DTNB: variants seen among roughly 807,000 people sequenced by gnomAD.
DTNB encodes the protein dystrobrevin beta.
In DTNB, 63 loss-of-function variants were observed where a neutral mutation model predicts 90.7. That is an observed-to-expected ratio of 0.69 (90% confidence interval 0.57 to 0.86). DTNB has a LOEUF of 0.86. Among genes scored for constraint, DTNB ranks in the 40% least tolerant of loss-of-function variants. The pLI, the probability that DTNB is intolerant of heterozygous loss-of-function variation, is 0.00. For missense variants in DTNB, 744 were observed against 807.1 expected (o/e 0.92, Z 0.95); for synonymous variants, 277 against 286.7 (o/e 0.97, Z 0.34).
intron 4 of DTNB, among the ~76,000 whole-genome samples, chr2:25,621,151 T>G (rs2072499916): frequency 6.6e-6 from 1 of 152,230 alleles, no homozygotes. Flanking sequence ...CAAGCAGGGA[T>G]GTAAATAAAT....
chr2:25,567,824 G>A (rs766278761), intron 8 of DTNB, among the ~76,000 whole-genome samples: 1 of 152,206 alleles, frequency 6.6e-6, no homozygotes, highest in Non-Finnish European at 1.5e-5. Context: ...GGAAGGCAGA[G>A]AAGGAGGCAT....
intron 15 of DTNB, among the ~76,000 whole-genome samples, chr2:25,420,524 GTCTGTCTATC>G (rs2049305999): frequency 1.1e-5 from 1 of 87,506 alleles, no homozygotes; most frequent in Non-Finnish European, 3.0e-5. Flanking sequence ...CTATCTATCT[GTCTGTCTATC>G]GACAGAGTTT....
intron 4 of DTNB, among the ~76,000 whole-genome samples, chr2:25,615,234 G>C (rs1474374976): frequency 6.6e-6 from 1 of 152,182 alleles, no homozygotes; most frequent in East Asian, 1.9e-4. Context: ...GCCTTCCCGA[G>C]GTGTGCTACA....
At chr2:25,461,258 G>A (rs2060905835) in intron 10 of DTNB, among the ~76,000 whole-genome samples, 1 of 152,100 alleles carries the variant, frequency 6.6e-6, no homozygotes, top group Non-Finnish European at 1.5e-5. Flanking sequence ...TTAGAGATCT[G>A]GAACACAATG....
chr2:25,581,148 G>A (rs2061505584), intron 6 of DTNB, among the ~76,000 whole-genome samples: 1 of 152,044 alleles, frequency 6.6e-6, no homozygotes, highest in African/African-American at 2.4e-5. Flanking sequence ...GCCCAAATCA[G>A]ACACAAACCC....
chr2:25,420,520 A>ATCTATCTATCTGTCTG (rs869201592), intron 15 of DTNB, among the ~76,000 whole-genome samples: 65 of 89,258 alleles, frequency 7.3e-4, no homozygotes, highest in African/African-American at 1.9e-3. Context: ...CTATCTATCT[A>ATCTATCTATCTGTCTG]TCTGTCTGTC....
In DTNB at chr2:25,462,789, C is replaced by T. The variant is rs962102055; in HGVS notation, c.1080-7295G>A. ...CGGGATCTCGGCTCACTGCAAGCTC[C>T]GCCTCCCGGGTTCACGCCATTCTCC... is the stretch of plus-strand genomic sequence containing the variant. On this transcript the variant is annotated intron_variant, in intron 10 of 20. Transcript: ENST00000406818. Among the ~76,000 whole-genome samples, 174 of 152,042 alleles carry T rather than the reference C, an allele frequency of 1.1e-3. 2 individuals carry two copies. Among genetic ancestry groups the T allele is most frequent in the Non-Finnish European group, 1.3e-4 (9 of 67,944 alleles).
At chr2:25,384,166 C>T (rs1017781979) in intron 18 of DTNB, among the ~76,000 whole-genome samples, 21 of 152,232 alleles carry the variant, frequency 1.4e-4, no homozygotes, top group African/African-American at 4.8e-4. Flanking sequence ...TGTGGGGTTG[C>T]GTGCCTCTGT....
intron 9 of DTNB, among the ~76,000 whole-genome samples, chr2:25,484,651 G>A (rs150849355): frequency 6.6e-6 from 1 of 152,088 alleles, no homozygotes; most frequent in East Asian, 1.9e-4. Context: ...AATTTGCAGG[G>A]AACTGATTTT....
At chr2:25,400,754 G>C (rs1438886708) in intron 16 of DTNB, among the ~76,000 whole-genome samples, 3 of 152,186 alleles carry the variant, frequency 2.0e-5, no homozygotes, top group African/African-American at 4.8e-5. Context: ...CTTGAGTCCA[G>C]CACAGGCCAA....
chr2:25,639,953 C>T lies in DTNB; in HGVS notation c.68-859G>A, dbSNP rs577123901. Among the ~76,000 whole-genome samples the T allele has an allele frequency of 9.3e-4, 141 of 152,290 alleles. 1 individual carries two copies. The highest frequency in any genetic ancestry group is 3.2e-3 in the African/African-American group (132 of 41,558). ...CCAAACCAGCATCGACTGCCAAACG[C>T]GCAGGCGAGCGAGCCTTCAAATGAT... On this transcript the variant is annotated intron_variant, in intron 2 of 20. Coordinates refer to ENST00000406818, the MANE Select transcript of DTNB (RefSeq NM_021907.5).
intron 9 of DTNB, among the ~76,000 whole-genome samples, chr2:25,527,433 G>A (rs376247085): frequency 6.6e-6 from 1 of 151,966 alleles, no homozygotes; most frequent in East Asian, 1.9e-4. Context: ...TGAGGCAGAA[G>A]AATCACTTGA....
chr2:25,508,240 G>GT (rs1264583206), intron 9 of DTNB, among the ~76,000 whole-genome samples: 1 of 152,076 alleles, frequency 6.6e-6, no homozygotes, highest in Non-Finnish European at 1.5e-5. Context: ...AACATATTAA[G>GT]TGCCCAATAA....
chr2:25,606,533 C>A (rs567864648), intron 5 of DTNB, among the ~76,000 whole-genome samples: 2 of 152,194 alleles, frequency 1.3e-5, no homozygotes, highest in African/African-American at 4.8e-5. Flanking sequence ...TTTAAGGATT[C>A]CATGAGAAAA....
chr2:25,408,462 C>G (rs2045792615), intron 16 of DTNB, among the ~76,000 whole-genome samples: 1 of 147,726 alleles, frequency 6.8e-6, no homozygotes, highest in Non-Finnish European at 1.5e-5. Context: ...TCGCTGGAAC[C>G]CAGGAGGTGG....
chr2:25,435,321 G>T (rs1035942421), intron 12 of DTNB, among the ~76,000 whole-genome samples: 1 of 152,100 alleles, frequency 6.6e-6, no homozygotes, highest in East Asian at 1.9e-4. Flanking sequence ...AGGCTTGGCC[G>T]AATTCAGTAG....
intron 16 of DTNB, among the ~76,000 whole-genome samples, chr2:25,390,389 A>AGATAAACT (rs2040764214): frequency 6.6e-6 from 1 of 152,174 alleles, no homozygotes; most frequent in South Asian, 2.1e-4. Context: ...AAAACCAAAC[A>AGATAAACT]GATAAACTGG....
intron 8 of DTNB, among the ~76,000 whole-genome samples, chr2:25,542,925 T>A (rs1316768901): frequency 1.3e-5 from 2 of 152,152 alleles, no homozygotes; most frequent in African/African-American, 2.4e-5. Flanking sequence ...GAAAAAAAAA[T>A]GTGCAATCAT....
intron 8 of DTNB, among the ~76,000 whole-genome samples, chr2:25,568,101 T>C (rs1038682487): frequency 9.4e-5 from 14 of 149,418 alleles, no homozygotes; most frequent in African/African-American, 3.0e-4. Context: ...GAGGTTGCAG[T>C]GAGCCAAGAT....
Sources: gnomAD v4.1 joint callset for allele counts (sites outside exome capture counted in the v4.1 genomes callset) on GRCh38, gnomAD v4.1.1 for gene constraint, MANE v1.5 for transcripts, NCBI Gene and HGNC (gene_info 2026-07-23, HGNC 2026-07-21) for gene names.